PCDH11Y: variants seen among roughly 807,000 people sequenced by gnomAD.
PCDH11Y encodes protocadherin 11 Y-linked.
For missense variants in PCDH11Y, 12 were observed against 224.8 expected (o/e 0.05, Z 6.05); for synonymous variants, 9 against 83.6 (o/e 0.11, Z 4.87).
intron 2 of PCDH11Y, among the ~76,000 whole-genome samples, chrY:5,377,425 T>C: frequency 3.0e-5 from 1 of 33,833 alleles, no homozygotes; most frequent in Non-Finnish European, 7.3e-5. Flanking sequence ...TTATCCTTCA[T>C]GAACACTTCT....
chrY:5,042,102 A>T (rs1602844079), intron 3 of PCDH11Y, among the ~76,000 whole-genome samples: 1 of 32,493 alleles, frequency 3.1e-5, no homozygotes, highest in African/African-American at 1.2e-4. Context: ...GTGCAGAAGC[A>T]CTTTAGTTTA....
chrY:5,228,180 A>G, intron 2 of PCDH11Y, among the ~76,000 whole-genome samples: 1 of 22,612 alleles, frequency 4.4e-5, no homozygotes, highest in Non-Finnish European at 1.0e-4. Context: ...GTATACATGA[A>G]TTTGTCCATT....
intron 1 of PCDH11Y, among the ~76,000 whole-genome samples, chrY:5,029,320 G>A: frequency 3.4e-5 from 1 of 28,987 alleles, no homozygotes; most frequent in African/African-American, 1.4e-4. Context: ...GTCGATCCAG[G>A]GATGAAGGTT....
chrY:5,652,283 CA>C (rs2053532092), intron 4 of PCDH11Y, among the ~76,000 whole-genome samples: 1 of 32,718 alleles, frequency 3.1e-5, no homozygotes, highest in Non-Finnish European at 7.5e-5. Context: ...GATACACAGC[CA>C]AACCATATTA....
intron 2 of PCDH11Y, among the ~76,000 whole-genome samples, chrY:5,247,513 G>C: frequency 3.1e-5 from 1 of 32,440 alleles, no homozygotes; most frequent in Admixed American, 2.9e-4. Context: ...CAGCAATCAA[G>C]AAGTTCTTTG....
rs200134383 is a variant in PCDH11Y, at chrY:5,117,862, T to C, written c.3129+17155T>C. ...CTGATATTATATATAATACATATTA[T>C]ATTATATGTATATATTTATGTGTAT... On this transcript the variant is annotated intron_variant, in intron 2 of 4. Coordinates refer to the PCDH11Y transcript ENST00000400457. Among the ~76,000 whole-genome samples the C allele has an allele frequency of 1.7e-3, 54 of 31,522 alleles. No homozygotes were observed. The East Asian group carries it at 0.041, about 24-fold the overall frequency. 84.6% of individuals were successfully genotyped at this position (31,522 alleles called of 37,273 possible). A position where few individuals can be genotyped will look rare whatever the true frequency, so the allele number is the denominator to read the frequency against.
chrY:5,315,423 A>G, intron 2 of PCDH11Y, among the ~76,000 whole-genome samples: 1 of 34,233 alleles, frequency 2.9e-5, no homozygotes, highest in African/African-American at 1.1e-4. Context: ...TGTCTGCAGC[A>G]TCAAACTCTC....
At position 5,378,114 on chromosome Y, in the gene PCDH11Y, C is replaced by A. The variant is rs201767230; in HGVS notation, c.3130-122943C>A. 1.8e-3 allele frequency among the ~76,000 whole-genome samples: 59 copies of A among 32,797 alleles called. No homozygotes were observed. In the East Asian group the frequency reaches 0.046, roughly 26 times the overall value. 88.0% of individuals were successfully genotyped at this position (32,797 alleles called of 37,273 possible). ...AGGTTTCCCAAGGGGGTATACTTAG[C>A]ACATTAAAACATGTATCACAAAATC... On this transcript the variant is annotated intron_variant, in intron 2 of 4. Transcript: ENST00000400457.
chrY:5,701,370 G>A, intron 4 of PCDH11Y, among the ~76,000 whole-genome samples: 3 of 32,862 alleles, frequency 9.1e-5, no homozygotes, highest in Non-Finnish European at 1.5e-4. Context: ...TTGTGGTCCC[G>A]GCCCAGGGTC....
chrY:5,193,637 T>C, intron 2 of PCDH11Y, among the ~76,000 whole-genome samples: 1 of 33,168 alleles, frequency 3.0e-5, no homozygotes, highest in East Asian at 8.0e-4. Context: ...AAGTTTCACA[T>C]CCTAATTGAA....
intron 2 of PCDH11Y, among the ~76,000 whole-genome samples, chrY:5,433,318 G>T (rs2124680804): frequency 3.0e-5 from 1 of 33,392 alleles, no homozygotes; most frequent in African/African-American, 1.2e-4. Flanking sequence ...GTTCATGTTT[G>T]GTGAACTTTA....
At chrY:5,198,135 A>G (rs2052922905) in intron 2 of PCDH11Y, among the ~76,000 whole-genome samples, 1 of 26,641 alleles carries the variant, frequency 3.8e-5, no homozygotes, top group African/African-American at 1.5e-4. Flanking sequence ...CACCATAAGT[A>G]TATACAACTT....
At chrY:5,049,338 C>A (rs2052647687) in intron 3 of PCDH11Y, among the ~76,000 whole-genome samples, 1 of 29,039 alleles carries the variant, frequency 3.4e-5, no homozygotes, top group Non-Finnish European at 8.1e-5. Context: ...GTTCTTTTTG[C>A]TTAGGATTGC....
At chrY:5,261,082 T>G in intron 2 of PCDH11Y, among the ~76,000 whole-genome samples, 1 of 33,091 alleles carries the variant, frequency 3.0e-5, no homozygotes, top group Non-Finnish European at 7.4e-5. Context: ...GTGTGAGATA[T>G]GCCCTTCACC....
chrY:5,194,480 A>C (rs2124648831), intron 2 of PCDH11Y, among the ~76,000 whole-genome samples: 1 of 29,981 alleles, frequency 3.3e-5, no homozygotes, highest in East Asian at 8.6e-4. Context: ...AAAAGGGATC[A>C]TCGTGTTTGG....
At chrY:5,075,190 T>G in intron 1 of PCDH11Y, among the ~76,000 whole-genome samples, 1 of 33,801 alleles carries the variant, frequency 3.0e-5, no homozygotes, top group Non-Finnish European at 7.4e-5. Flanking sequence ...TTTAAGCTAA[T>G]GTTTTTAGTT....
At chrY:5,223,671 G>A in intron 2 of PCDH11Y, among the ~76,000 whole-genome samples, 1 of 31,835 alleles carries the variant, frequency 3.1e-5, no homozygotes, top group Non-Finnish European at 7.6e-5. Flanking sequence ...TGCCCTGGCT[G>A]GTCTCAAACT....
At chrY:5,249,131 G>A (rs2053001012) in intron 2 of PCDH11Y, among the ~76,000 whole-genome samples, 1 of 31,692 alleles carries the variant, frequency 3.2e-5, no homozygotes, top group Non-Finnish European at 7.7e-5. Context: ...AATCAATATC[G>A]TGAAAACGGC....
At chrY:5,330,199 G>A (rs2053129364) in intron 2 of PCDH11Y, among the ~76,000 whole-genome samples, 1 of 32,459 alleles carries the variant, frequency 3.1e-5, no homozygotes, top group African/African-American at 1.2e-4. Flanking sequence ...GCTCAGTGGG[G>A]GAGCTTCTGA....
Sources: gnomAD v4.1 joint callset for allele counts (sites outside exome capture counted in the v4.1 genomes callset) on GRCh38, gnomAD v4.1.1 for gene constraint, MANE v1.5 for transcripts, NCBI Gene and HGNC (gene_info 2026-07-23, HGNC 2026-07-21) for gene names.